Variants in KCNS3 observed in about 807,000 individuals in gnomAD.
The protein encoded by KCNS3 is potassium voltage-gated channel modifier subfamily S member 3.
A neutral mutation model predicts 31.0 loss-of-function variants in KCNS3; 13 were observed. The observed-to-expected ratio is 0.42, with a 90% CI of 0.27 to 0.67. KCNS3 has a LOEUF of 0.67. Among genes scored for constraint, KCNS3 ranks in the 30% least tolerant of loss-of-function variants. KCNS3 has a pLI of 0.25. For synonymous variants in KCNS3, 238 were observed against 241.5 expected, an observed-to-expected ratio of 0.99 and a Z score of 0.13; for missense variants, 545 against 622.4, an observed-to-expected ratio of 0.88 and a Z score of 1.32.
intron 1 of KCNS3, among the ~76,000 whole-genome samples, chr2:17,886,686 A>G (rs1435502400): frequency 6.6e-5 from 6 of 91,430 alleles, no homozygotes; most frequent in South Asian, 3.0e-4. Context: ...CCGTCCGTCC[A>G]TCCATCCATC....
At chr2:17,917,493 A>G (rs1439951159) in intron 1 of KCNS3, among the ~76,000 whole-genome samples, 187 bp from the exon 2 acceptor site, 4 of 152,168 alleles carry the variant, frequency 2.6e-5, no homozygotes, top group African/African-American at 9.7e-5. Context: ...CCTTAAACCT[A>G]GCACATGTCC....
At chr2:17,907,955 G>A (rs557966954) in intron 1 of KCNS3, among the ~76,000 whole-genome samples, 35 of 152,162 alleles carry the variant, frequency 2.3e-4, no homozygotes, top group African/African-American at 6.5e-4. Flanking sequence ...TGCTCTTCTC[G>A]AGGAGTATCT....
rs1186157510 is a variant in KCNS3 at position 17,931,105 on chromosome 2, C to T, written c.97C>T (p.Leu33Phe). ...TAAGCAGTCTGTTGACCAAAGCACC[C>T]TCCTGCGGTTTCCTCACACCAGACT... ...GFKQSVDQST[L>F]LRFPHTRLGK... Residue 33 changes from leucine (L) to phenylalanine (F), a missense_variant, in exon 3 of 3, where the codon CTC becomes TTC. Leu to Phe is a conservative substitution (Grantham distance 22). Transcript: ENST00000304101. This position sits in a 1 kb window ranked among gnomAD's most constrained non-coding sequence, Gnocchi z 5.4. 1 of 1,614,054 alleles carries T rather than the reference C, an allele frequency of 6.2e-7. No individual in the cohort carries two copies. The highest frequency in any genetic ancestry group is 8.5e-7 in the Non-Finnish European group (1 of 1,180,044).
At chr2:17,923,721 C>T (rs4832401) in intron 2 of KCNS3, among the ~76,000 whole-genome samples, 20,191 of 151,564 alleles carry the variant, frequency 0.13, 1,982 homozygotes, top group East Asian at 0.39. Flanking sequence ...TACTATTTAT[C>T]GAAAAGACTC....
chr2:17,909,449 G>A (rs1662419493), intron 1 of KCNS3, among the ~76,000 whole-genome samples: 1 of 152,142 alleles, frequency 6.6e-6, no homozygotes, highest in South Asian at 2.1e-4. Flanking sequence ...ACACTCGGTA[G>A]GCTGCACCCA....
chr2:17,900,650 C>T (rs146177537), intron 1 of KCNS3, among the ~76,000 whole-genome samples: 5,204 of 151,942 alleles, frequency 0.034, 125 homozygotes, highest in Middle Eastern at 0.078. Context: ...CCACCATACC[C>T]GGCTAATTTT....
intron 1 of KCNS3, among the ~76,000 whole-genome samples, chr2:17,890,321 T>G (rs1039749927): frequency 6.6e-6 from 1 of 152,200 alleles, no homozygotes; most frequent in Non-Finnish European, 1.5e-5. Flanking sequence ...TCTTCTTTTC[T>G]AGGTTAATCT....
chr2:17,931,588 G>A lies in KCNS3; in HGVS notation c.580G>A (p.Val194Met), dbSNP rs200881412. The change falls in exon 3 of 3, where the codon GTG (valine) becomes ATG (methionine). Residue 194 changes from valine (V) to methionine (M), a missense_variant. Transcript: ENST00000304101. This position sits in a 1 kb window ranked among gnomAD's most constrained non-coding sequence, Gnocchi z 5.4. ...GCTTATCGCTATCTCCTCCTTGAGC[G>A]TGGTGCTGGCCTCCATCGTGGCCAT... is the stretch of plus-strand genomic sequence containing the variant. ...AKLIAISSLS[V>M]VLASIVAMCV... 3.0e-5 allele frequency: 49 copies of A among 1,614,178 alleles called. 1 individual carries two copies. The highest frequency in any genetic ancestry group is 1.4e-4 in the South Asian group (13 of 91,080).
intron 1 of KCNS3, among the ~76,000 whole-genome samples, chr2:17,888,663 AT>A (rs1661763110): frequency 4.3e-5 from 6 of 138,736 alleles, no homozygotes; most frequent in Admixed American, 7.2e-5. Context: ...ATATATATAT[AT>A]ATATATATAA....
At chr2:17,928,257 T>A (rs1406381622) in intron 2 of KCNS3, among the ~76,000 whole-genome samples, 4 of 152,172 alleles carry the variant, frequency 2.6e-5, no homozygotes, top group African/African-American at 7.2e-5. Context: ...TCTCATTTTT[T>A]AATTTTCCTT....
chr2:17,906,556 T>A (rs186564914), intron 1 of KCNS3, among the ~76,000 whole-genome samples: 2,189 of 152,212 alleles, frequency 0.014, 42 homozygotes, highest in Admixed American at 0.044. Flanking sequence ...TGATGTTAGG[T>A]TGTCAGTTTT....
intron 2 of KCNS3, among the ~76,000 whole-genome samples, chr2:17,922,530 G>T (rs1188692979): frequency 6.6e-6 from 1 of 152,054 alleles, no homozygotes; most frequent in Non-Finnish European, 1.5e-5. Flanking sequence ...TTTGAATACA[G>T]CAAAATCTAC....
chr2:17,908,616 G>A (rs565446672), intron 1 of KCNS3, among the ~76,000 whole-genome samples: 2 of 152,296 alleles, frequency 1.3e-5, no homozygotes, highest in Admixed American at 1.3e-4. Context: ...CTTTGATAAT[G>A]GTGACGTACA....
chr2:17,894,529 A>C (rs1365110583), intron 1 of KCNS3, among the ~76,000 whole-genome samples: 3 of 152,238 alleles, frequency 2.0e-5, no homozygotes, highest in African/African-American at 7.2e-5. Flanking sequence ...ATACCACCAA[A>C]TAGATTGAGT....
At chr2:17,922,503 G>A (rs779016406) in intron 2 of KCNS3, among the ~76,000 whole-genome samples, 19 of 152,104 alleles carry the variant, frequency 1.2e-4, no homozygotes, top group Non-Finnish European at 2.8e-4. Flanking sequence ...TTAAATGACA[G>A]TATTATTGAG....
chr2:17,901,554 A>C (rs1468801090), intron 1 of KCNS3, among the ~76,000 whole-genome samples: 1 of 152,172 alleles, frequency 6.6e-6, no homozygotes, highest in African/African-American at 2.4e-5. Context: ...CACATCTGGT[A>C]GGCAGCTCTG....
chr2:17,892,490 T>TG (rs1228462589), intron 1 of KCNS3, among the ~76,000 whole-genome samples: 1 of 152,140 alleles, frequency 6.6e-6, no homozygotes, highest in Non-Finnish European at 1.5e-5. Flanking sequence ...TGTGATTTTT[T>TG]GGGGGGTGTT....
At chr2:17,928,569 G>A (rs1662887043) in intron 2 of KCNS3, among the ~76,000 whole-genome samples, 1 of 151,966 alleles carries the variant, frequency 6.6e-6, no homozygotes, top group Admixed American at 6.6e-5. Context: ...TTGAAGATTT[G>A]TCAATTTCGT....
At chr2:17,911,485 A>G (rs1031569901) in intron 1 of KCNS3, among the ~76,000 whole-genome samples, 1 of 152,136 alleles carries the variant, frequency 6.6e-6, no homozygotes, top group African/African-American at 2.4e-5. Context: ...TTATTTTTCT[A>G]TGTAGAAATA....
Sources: allele counts gnomAD v4.1 joint callset (sites outside exome capture counted in the v4.1 genomes callset), GRCh38; gene constraint gnomAD v4.1.1; non-coding constraint Gnocchi (gnomAD v3.1); transcripts MANE v1.5; gene names NCBI Gene and HGNC (gene_info 2026-07-23, HGNC 2026-07-21).